PLIN1: variants seen among roughly 807,000 people sequenced by gnomAD.
The protein encoded by PLIN1 is perilipin-1.
In PLIN1, 37 loss-of-function variants were observed where a neutral mutation model predicts 45.8. The observed-to-expected ratio is 0.81, with a 90% CI of 0.62 to 1.06. The LOEUF is 1.06. PLIN1 is among the 50% of genes least tolerant of loss of function. PLIN1 has a pLI of 0.00. For synonymous variants in PLIN1, 340 were observed against 309.2 expected, an observed-to-expected ratio of 1.10 and a Z score of -1.05; for missense variants, 776 against 716.5, an observed-to-expected ratio of 1.08 and a Z score of -0.95.
intron 5 of PLIN1, 61 bp from the exon 6 acceptor site, chr15:89,669,733 G>C: frequency 1.3e-6 from 2 of 1,519,904 alleles, no homozygotes; most frequent in Middle Eastern, 3.4e-4. Context: ...GGAGAGATCT[G>C]GGTCATGTCT....
chr15:89,673,145 GGACA>G, intron 3 of PLIN1, 61 bp downstream of exon 3: 1 of 1,225,188 alleles, frequency 8.2e-7, no homozygotes, highest in South Asian at 1.3e-5. Flanking sequence ...ACTGAGAGGC[GGACA>G]GACAGACTGG....
chr15:89,667,245 G>GT, intron 7 of PLIN1, 64 bp from the exon 8 acceptor site: 1 of 1,601,192 alleles, frequency 6.2e-7, no homozygotes, highest in Non-Finnish European at 8.5e-7. Flanking sequence ...CTCCCCACCA[G>GT]CCCCAGGGCT....
chr15:89,669,074 G>T (rs1964395484), intron 6 of PLIN1, among the ~76,000 whole-genome samples: 1 of 152,020 alleles, frequency 6.6e-6, no homozygotes, highest in African/African-American at 2.4e-5. Context: ...CACTCTCCCT[G>T]ACAAAATGGG....
At position 89,671,561 on chromosome 15, in the gene PLIN1, G is replaced by A. The variant is rs745844911; in HGVS notation, c.254C>T (p.Thr85Ile). 2.5e-5 allele frequency: 39 copies of A among 1,562,492 alleles called. No individual in the cohort carries two copies. Among genetic ancestry groups the A allele is most frequent in the Non-Finnish European group, 3.4e-5 (39 of 1,152,624 alleles). ...PVVRRLSTQF[T>I]AANELACRGL... ...TCGGCAGGCCAGCTCATTGGCAGCT[G>A]TGACTGGAAGGAAAGGGCCAAGTTT... Residue 85 changes from threonine (T) to isoleucine (I), a missense_variant, in exon 4 of 9, where the codon ACA becomes ATA. By Grantham distance (89) the Thr-to-Ile change is moderately conservative. Transcript: ENST00000300055.
At chr15:89,674,917 C>T (rs1224051170) in intron 2 of PLIN1, among the ~76,000 whole-genome samples, 1 of 151,940 alleles carries the variant, frequency 6.6e-6, no homozygotes, top group Non-Finnish European at 1.5e-5. Flanking sequence ...CTGGGCAACA[C>T]AGGGAGACCC....
At position 89,665,659 on chromosome 15, in the gene PLIN1, T is replaced by C. The variant is rs1377094502; in HGVS notation, c.1493A>G (p.Asp498Gly). The C allele has an allele frequency of 2.7e-6, 4 of 1,496,208 alleles. No homozygotes were observed. Among genetic ancestry groups the C allele is most frequent in the Non-Finnish European group, 3.6e-6 (4 of 1,126,102 alleles). The allele number at this position is 1,496,208 out of a possible 1,614,324, so 92.7% of individuals were successfully genotyped here. The stretch of plus-strand genomic sequence containing the variant: ...CATGACGCTGGGCCGGAAGAAGCTG[T>C]CGCTGACCCTGCGCTTTGGCTTCTC... ...PREKPKRRVS[D>G]SFFRPSVMEP... Residue 498 changes from aspartate to glycine, a missense_variant, in exon 9 of 9, where the codon GAC becomes GGC. Coordinates refer to ENST00000300055, the MANE Select transcript of PLIN1 (RefSeq NM_002666.5).
rs1199158100 is a variant in PLIN1 at position 89,667,676 on chromosome 15, C to T, written c.889G>A (p.Asp297Asn). 6.2e-7 allele frequency: 1 copy of T among 1,603,392 alleles called. No homozygotes were observed. The highest frequency in any genetic ancestry group is 1.7e-5 in the Admixed American group (1 of 58,114). ...LAAAQEEDHE[D>N]QTDTEGEDTE... Reference sequence around the variant, plus strand: ...TCCTCTCCCTCCGTGTCTGTCTGGTCCTCATGATCCTCCTCCTGGGCGGCT... The same window carrying T: ...TCCTCTCCCTCCGTGTCTGTCTGGTTCTCATGATCCTCCTCCTGGGCGGCT... Residue 297 changes from aspartate to asparagine, a missense_variant, in exon 7 of 9, where the codon GAC becomes AAC. Coordinates refer to ENST00000300055, the MANE Select transcript of PLIN1 (RefSeq NM_002666.5).
intron 6 of PLIN1, among the ~76,000 whole-genome samples, chr15:89,668,836 AAG>A (rs1415616723): frequency 6.6e-6 from 1 of 152,240 alleles, no homozygotes; most frequent in Non-Finnish European, 1.5e-5. Flanking sequence ...TACTGCTCAA[AAG>A]ATGGCTGAAA....
Position 89,679,259 on chromosome 15 carries a change from T to G in PLIN1, c.-23A>C, listed in dbSNP as rs1964563381. 6.6e-6 allele frequency: 1 copy of G among 152,444 alleles called. No homozygotes were observed. The highest frequency in any genetic ancestry group is 1.5e-5 in the Non-Finnish European group (1 of 68,082). 9.4% of individuals were successfully genotyped at this position (152,444 alleles called of 1,614,324 possible). A position where few individuals can be genotyped will look rare whatever the true frequency, so the allele number is the denominator to read the frequency against. ...CCCCAAGAGGCCCTTACCTTCAACT[T>G]CTTCCCTTTAATGTTCATAAACAAG... is the stretch of plus-strand genomic sequence containing the variant. On this transcript the variant is annotated 5_prime_UTR_variant, in exon 1 of 9. Coordinates refer to ENST00000300055, the MANE Select transcript of PLIN1 (RefSeq NM_002666.5).
At position 89,671,566 on chromosome 15, in the gene PLIN1, T is replaced by A. The variant is rs113174261; in HGVS notation, c.251-2A>T. ...AGGCCAGCTCATTGGCAGCTGTGAC[T>A]GGAAGGAAAGGGCCAAGTTTGGGTG... is the stretch of plus-strand genomic sequence containing the variant. On this transcript the variant is annotated splice_acceptor_variant, in intron 3 of 8. Transcript: ENST00000300055. LOFTEE classifies it high-confidence loss of function. The A allele has an allele frequency of 6.4e-7, 1 of 1,560,770 alleles. No individual in the cohort carries two copies.
chr15:89,675,542 G>A (rs1422465585), intron 2 of PLIN1, among the ~76,000 whole-genome samples: 2 of 152,044 alleles, frequency 1.3e-5, no homozygotes, highest in African/African-American at 4.8e-5. Flanking sequence ...AGGAGTCCGA[G>A]GCTGCAGTGA....
At chr15:89,670,874 C>T (rs975040515) in intron 4 of PLIN1, among the ~76,000 whole-genome samples, 11 of 152,076 alleles carry the variant, frequency 7.2e-5, no homozygotes, top group African/African-American at 1.7e-4. Context: ...TAAAGAAGAG[C>T]GCTTGATAAA....
chr15:89,664,785 T>C lies in PLIN1; in HGVS notation c.*798A>G. Reference sequence around the variant, plus strand: ...TGTATGAATGCATTTTCTAGATTTATCAAATATTAACATTTCGAAGACTAG... The same window carrying C: ...TGTATGAATGCATTTTCTAGATTTACCAAATATTAACATTTCGAAGACTAG... On this transcript the variant is annotated 3_prime_UTR_variant, in exon 9 of 9. Coordinates refer to ENST00000300055, the MANE Select transcript of PLIN1 (RefSeq NM_002666.5). The C allele has an allele frequency of 4.6e-6, 2 of 432,898 alleles. No individual in the cohort carries two copies. Among genetic ancestry groups the C allele is most frequent in the Non-Finnish European group, 9.3e-6 (2 of 214,446 alleles). The allele number at this position is 432,898 out of a possible 1,614,324, so 26.8% of individuals were successfully genotyped here.
chr15:89,668,553 G>T (rs1292637355), intron 6 of PLIN1, among the ~76,000 whole-genome samples: 1 of 152,220 alleles, frequency 6.6e-6, no homozygotes, highest in East Asian at 1.9e-4. Context: ...GAAATTGACT[G>T]AGCAAGGGGG....
In PLIN1 at chr15:89,673,230, A is replaced by T; in HGVS notation, c.230T>A (p.Val77Asp). The change falls in exon 3 of 9, where the codon GTC becomes GAC. Residue 77 changes from valine (V) to aspartate (D), a missense_variant. Physicochemically the swap from Val to Asp is radical, Grantham distance 152. Transcript: ENST00000300055. ...CTCACACTGGGTGGACAGCCTGCGG[A>T]CCACCGGCTCCATGCTCCAGGCAGC... The part of the protein sequence containing the change: ...SLAAWSMEPV[V>D]RRLSTQFTAA... The T allele has an allele frequency of 6.4e-7, 1 of 1,570,422 alleles. No individual in the cohort carries two copies. Among genetic ancestry groups the T allele is most frequent in the Non-Finnish European group, 8.6e-7 (1 of 1,156,710 alleles).
At chr15:89,670,328 C>T in intron 4 of PLIN1, 84 bp from the exon 5 acceptor site, 1 of 1,432,836 alleles carries the variant, frequency 7.0e-7, no homozygotes. Flanking sequence ...TGGCCTGAGC[C>T]CAGCTCCCAG....
chr15:89,673,483 GGTC>G, intron 2 of PLIN1, 69 bp from the exon 3 acceptor site: 3 of 1,313,594 alleles, frequency 2.3e-6, no homozygotes, highest in African/African-American at 1.5e-5. Context: ...CTGACCCCGG[GGTC>G]ATGGGGACCA....
intron 2 of PLIN1, among the ~76,000 whole-genome samples, chr15:89,676,316 C>T (rs1964514761): frequency 6.6e-6 from 1 of 152,164 alleles, no homozygotes; most frequent in African/African-American, 2.4e-5. Flanking sequence ...GGCGCGATCT[C>T]AGCTCACTGC....
In PLIN1 at chr15:89,664,873, C is replaced by T. The variant is rs780560228; in HGVS notation, c.*710G>A. The T allele has an allele frequency of 2.9e-5, 13 of 455,908 alleles. No homozygotes were observed. The highest frequency in any genetic ancestry group is 1.5e-4 in the South Asian group (10 of 64,562). The allele number at this position is 455,908 out of a possible 1,614,324, so 28.2% of individuals were successfully genotyped here. On this transcript the variant is annotated 3_prime_UTR_variant, in exon 9 of 9. Transcript: ENST00000300055. Reference sequence around the variant, plus strand: ...TATCATCACCATTTTGGTTCCCCAGCATCAAAAGAGTGACTATGCAGGTGA... The same window carrying T: ...TATCATCACCATTTTGGTTCCCCAGTATCAAAAGAGTGACTATGCAGGTGA...
Sources: allele counts gnomAD v4.1 joint callset (sites outside exome capture counted in the v4.1 genomes callset), GRCh38; gene constraint gnomAD v4.1.1; transcripts MANE v1.5; gene names NCBI Gene and HGNC (gene_info 2026-07-23, HGNC 2026-07-21).